The following TBC1D22A variants were observed in gnomAD, a reference collection of about 807,000 sequenced individuals.
TBC1D22A encodes the protein putative GTPase activator.
TBC1D22A carries 38 observed loss-of-function variants against 60.2 expected under a neutral mutation model. The observed-to-expected ratio is 0.63, with a 90% CI of 0.49 to 0.83. TBC1D22A has a LOEUF of 0.83. Ranked by LOEUF, TBC1D22A falls within the 40% of genes least tolerant of loss-of-function variation. The pLI is 0.00. For synonymous variants in TBC1D22A, 302 were observed against 281.7 expected, an observed-to-expected ratio of 1.07 and a Z score of -0.72; for missense variants, 628 against 701.0, an observed-to-expected ratio of 0.90 and a Z score of 1.18.
intron 12 of TBC1D22A, among the ~76,000 whole-genome samples, chr22:47,144,286 C>T (rs1002411389): frequency 2.6e-5 from 4 of 152,230 alleles, no homozygotes; most frequent in Non-Finnish European, 5.9e-5. Context: ...CGCAGCCGCC[C>T]GTTTCCCTTT....
At chr22:46,864,219 A>G (rs1455361147) in intron 4 of TBC1D22A, among the ~76,000 whole-genome samples, 1 of 152,262 alleles carries the variant, frequency 6.6e-6, no homozygotes, top group African/African-American at 2.4e-5. Context: ...TATGTTAATG[A>G]TAGCAATTAA....
At chr22:46,903,250 C>T (rs1218977303) in intron 7 of TBC1D22A, among the ~76,000 whole-genome samples, 3 of 152,150 alleles carry the variant, frequency 2.0e-5, no homozygotes, top group East Asian at 1.9e-4. Flanking sequence ...AGTGGCACAG[C>T]CATCCCAGGC....
intron 4 of TBC1D22A, among the ~76,000 whole-genome samples, chr22:46,814,810 A>ATT (rs554204065): frequency 5.9e-5 from 8 of 134,890 alleles, no homozygotes; most frequent in African/African-American, 1.9e-4. Flanking sequence ...CACACTGGCT[A>ATT]TTTTTTTTTT....
At chr22:47,091,543 G>A (rs1429599303) in intron 11 of TBC1D22A, among the ~76,000 whole-genome samples, 2 of 147,222 alleles carry the variant, frequency 1.4e-5, no homozygotes, top group East Asian at 2.0e-4. Context: ...GTCGTCTTTG[G>A]GGGGGTGTGG....
rs117855605 is a variant in TBC1D22A, at chr22:47,078,912, C to T, written c.1330-32596C>T. On this transcript the variant is annotated intron_variant, in intron 11 of 12. Transcript: ENST00000337137. Reference sequence around the variant, plus strand: ...TGGGGTGGAAAGGCTCACAGAAGGACGTGGACCGATTCCATCAGTTTACAG... The same window carrying T: ...TGGGGTGGAAAGGCTCACAGAAGGATGTGGACCGATTCCATCAGTTTACAG... Among the ~76,000 whole-genome samples the T allele has an allele frequency of 8.5e-5, 13 of 152,242 alleles. No individual in the cohort carries two copies. The East Asian group carries it at 9.6e-4, about 11-fold the overall frequency.
intron 11 of TBC1D22A, among the ~76,000 whole-genome samples, chr22:47,106,623 G>C (rs1225739704): frequency 6.6e-6 from 1 of 152,020 alleles, no homozygotes; most frequent in African/African-American, 2.4e-5. Flanking sequence ...CTCATTAAAG[G>C]AGCTTCTAAA....
At chr22:47,019,358 T>C (rs1233640415) in intron 10 of TBC1D22A, among the ~76,000 whole-genome samples, 1 of 152,234 alleles carries the variant, frequency 6.6e-6, no homozygotes, top group Non-Finnish European at 1.5e-5. Context: ...AGTGATGAGC[T>C]AGACAAGGTC....
intron 1 of TBC1D22A, among the ~76,000 whole-genome samples, chr22:46,783,001 T>G (rs1455890657): frequency 2.6e-5 from 4 of 152,226 alleles, no homozygotes; most frequent in Non-Finnish European, 5.9e-5. Context: ...ATGCGATAAC[T>G]CCATGTAACC....
At chr22:47,108,707 G>GT (rs138495677) in intron 11 of TBC1D22A, among the ~76,000 whole-genome samples, 2 of 152,028 alleles carry the variant, frequency 1.3e-5, no homozygotes, top group South Asian at 4.1e-4. Context: ...TTTGTTTTTT[G>GT]TTTTTTGAGA....
intron 12 of TBC1D22A, among the ~76,000 whole-genome samples, chr22:47,140,184 G>A (rs2067025584): frequency 6.6e-6 from 1 of 151,882 alleles, no homozygotes; most frequent in Non-Finnish European, 1.5e-5. Flanking sequence ...ACATCACATT[G>A]CTCAGGCTCT....
chr22:46,801,523 C>T (rs2084895716), intron 4 of TBC1D22A, among the ~76,000 whole-genome samples: 1 of 152,234 alleles, frequency 6.6e-6, no homozygotes, highest in South Asian at 2.1e-4. Context: ...AGCATTGGCT[C>T]AATATTTACT....
At chr22:46,963,601 G>C (rs1322112611) in intron 8 of TBC1D22A, among the ~76,000 whole-genome samples, 1 of 152,222 alleles carries the variant, frequency 6.6e-6, no homozygotes, top group African/African-American at 2.4e-5. Context: ...GCCTGAGAAG[G>C]CTCTTCCTTT....
intron 4 of TBC1D22A, among the ~76,000 whole-genome samples, chr22:46,873,104 A>G (rs1221634426): frequency 2.6e-5 from 4 of 152,234 alleles, no homozygotes; most frequent in African/African-American, 7.2e-5. Context: ...GGCATTCAAT[A>G]AAAAAGTAAC....
chr22:46,943,426 C>T (rs2072303962), intron 8 of TBC1D22A, among the ~76,000 whole-genome samples: 1 of 152,208 alleles, frequency 6.6e-6, no homozygotes, highest in Non-Finnish European at 1.5e-5. Context: ...TGTGTTTTAG[C>T]TGGTGAGGCT....
intron 9 of TBC1D22A, among the ~76,000 whole-genome samples, chr22:46,978,244 A>T (rs1048796396): frequency 3.9e-5 from 6 of 152,220 alleles, no homozygotes; most frequent in African/African-American, 1.4e-4. Context: ...TACAAACATT[A>T]TTGAAGAGCT....
chr22:47,073,496 G>T (rs2064084895), intron 11 of TBC1D22A, among the ~76,000 whole-genome samples: 1 of 152,170 alleles, frequency 6.6e-6, no homozygotes, highest in Non-Finnish European at 1.5e-5. Flanking sequence ...TGCTGAGGCT[G>T]CGGGGAAAAA....
At chr22:46,986,488 G>A (rs534376476) in intron 9 of TBC1D22A, among the ~76,000 whole-genome samples, 1 of 150,936 alleles carries the variant, frequency 6.6e-6, no homozygotes, top group South Asian at 2.1e-4. Flanking sequence ...TAGCAATATT[G>A]AGTCTTCTTA....
intron 11 of TBC1D22A, among the ~76,000 whole-genome samples, chr22:47,084,332 C>A (rs528348745): frequency 2.2e-4 from 34 of 152,230 alleles, no homozygotes; most frequent in Non-Finnish European, 4.0e-4. Flanking sequence ...AGCACTGATT[C>A]TCCAGGGGTG....
At chr22:46,941,726 T>G (rs892209778) in intron 8 of TBC1D22A, among the ~76,000 whole-genome samples, 2 of 138,256 alleles carry the variant, frequency 1.4e-5, no homozygotes, top group African/African-American at 5.6e-5. Context: ...ATACGCGGAA[T>G]GTATATACGG....
Sources: allele counts gnomAD v4.1 joint callset (sites outside exome capture counted in the v4.1 genomes callset), GRCh38; gene constraint gnomAD v4.1.1; transcripts MANE v1.5; gene names NCBI Gene and HGNC (gene_info 2026-07-23, HGNC 2026-07-21).